The following PPP1R12B variants were observed in gnomAD, a reference collection of about 807,000 sequenced individuals.
PPP1R12B encodes protein phosphatase 1 regulatory subunit 12B, also known as myosin phosphatase target subunit 2.
PPP1R12B carries 76 observed loss-of-function variants against 126.1 expected under a neutral mutation model. That is an observed-to-expected ratio of 0.60 (90% CI 0.50 to 0.73). The LOEUF is 0.73. PPP1R12B is among the 30% of genes least tolerant of loss of function. The probability of loss-of-function intolerance (pLI) is 0.00; values close to 1 mark genes in which losing one functional copy is unlikely to be tolerated. For synonymous variants in PPP1R12B, 356 were observed against 434.7 expected (o/e 0.82, Z 2.25); for missense variants, 1,052 against 1,205.1 (o/e 0.87, Z 1.88).
intron 6 of PPP1R12B, among the ~76,000 whole-genome samples, chr1:202,429,280 A>C (rs1264847011): frequency 2.0e-5 from 3 of 152,224 alleles, no homozygotes; most frequent in African/African-American, 7.2e-5. Context: ...GATACCTCAT[A>C]GCTTTTCTTT....
chr1:202,544,693 A>G (rs189948725), intron 18 of PPP1R12B, among the ~76,000 whole-genome samples: 33 of 152,336 alleles, frequency 2.2e-4, no homozygotes, highest in Admixed American at 2.0e-3. Context: ...CTATTCCTTC[A>G]GTTCTAACAT....
chr1:202,550,286 C>G (rs1488770440), intron 18 of PPP1R12B, among the ~76,000 whole-genome samples: 3 of 152,172 alleles, frequency 2.0e-5, no homozygotes, highest in South Asian at 4.1e-4. Context: ...GCTACCCAAA[C>G]AGGCTGCTGG....
chr1:202,553,776 C>A (rs1157003785), intron 18 of PPP1R12B, among the ~76,000 whole-genome samples: 1 of 152,146 alleles, frequency 6.6e-6, no homozygotes, highest in African/African-American at 2.4e-5. Flanking sequence ...TTAGAATCCT[C>A]TTCTCTGGGA....
chr1:202,556,209 G>A (rs1686918916), intron 18 of PPP1R12B, among the ~76,000 whole-genome samples: 1 of 152,182 alleles, frequency 6.6e-6, no homozygotes. Context: ...AAAAATGAAA[G>A]CAGAGGAATG....
At chr1:202,476,247 A>C (rs1223305102) in intron 13 of PPP1R12B, among the ~76,000 whole-genome samples, 1 of 151,742 alleles carries the variant, frequency 6.6e-6, no homozygotes, top group Non-Finnish European at 1.5e-5. Flanking sequence ...ATAATAAACT[A>C]TCTTATAAGA....
chr1:202,463,013 T>G, intron 13 of PPP1R12B: 1 of 985,386 alleles, frequency 1.0e-6, no homozygotes, highest in Non-Finnish European at 1.2e-6. Context: ...CCATAGTTTG[T>G]TAGTACTCTG....
intron 13 of PPP1R12B, among the ~76,000 whole-genome samples, chr1:202,487,888 G>A (rs757449163): frequency 1.4e-4 from 22 of 152,100 alleles, no homozygotes; most frequent in African/African-American, 4.6e-4. Context: ...GATTATAGGC[G>A]TGACCCACCA....
intron 12 of PPP1R12B, among the ~76,000 whole-genome samples, chr1:202,445,491 C>G (rs1672112204): frequency 6.6e-6 from 1 of 152,196 alleles, no homozygotes; most frequent in Non-Finnish European, 1.5e-5. Flanking sequence ...CCTCAACAAC[C>G]TAACCAGTTG....
intron 14 of PPP1R12B, among the ~76,000 whole-genome samples, chr1:202,489,779 T>C (rs973323068): frequency 6.6e-5 from 10 of 152,222 alleles, no homozygotes; most frequent in Non-Finnish European, 1.3e-4. Flanking sequence ...ATTTTATAAC[T>C]CTGTGAATAA....
chr1:202,386,538 C>G (rs1437137857), intron 1 of PPP1R12B, among the ~76,000 whole-genome samples: 2 of 151,788 alleles, frequency 1.3e-5, no homozygotes, highest in Non-Finnish European at 2.9e-5. Context: ...TCACCGGGGT[C>G]TCGATCTCCT....
chr1:202,587,826 T>A lies in PPP1R12B; in HGVS notation c.*7266T>A, dbSNP rs1323161022. ...AACCCGGAACAGATTCCCGCTTGCC[T>A]TCTGATGAAGAGAGGTTAGGTAAAG... On this transcript the variant is annotated 3_prime_UTR_variant, in exon 24 of 24. Transcript: ENST00000608999. The A allele has an allele frequency of 1.3e-5, 2 of 152,206 alleles. No individual in the cohort carries two copies. The highest frequency in any genetic ancestry group is 2.9e-5 in the Non-Finnish European group (2 of 68,056). The allele number at this position is 152,206 out of a possible 1,614,324, so 9.4% of individuals were successfully genotyped here. A position where few individuals can be genotyped will look rare whatever the true frequency, so the allele number is the denominator to read the frequency against.
chr1:202,482,283 T>C (rs941427014), intron 13 of PPP1R12B, among the ~76,000 whole-genome samples: 10 of 152,190 alleles, frequency 6.6e-5, no homozygotes, highest in Non-Finnish European at 1.3e-4. Context: ...ATATGGTAGT[T>C]CTATTTTTAC....
intron 19 of PPP1R12B, among the ~76,000 whole-genome samples, chr1:202,559,419 A>G (rs560146430): frequency 6.6e-6 from 1 of 152,344 alleles, no homozygotes; most frequent in African/African-American, 2.4e-5. Context: ...GCTCCTTAGT[A>G]GTTTGTTGAA....
At chr1:202,400,420 T>C (rs973135500) in intron 1 of PPP1R12B, among the ~76,000 whole-genome samples, 5 of 152,088 alleles carry the variant, frequency 3.3e-5, no homozygotes, top group Admixed American at 3.3e-4. Flanking sequence ...TATACTACAA[T>C]AGGTAATGGG....
chr1:202,358,893 GT>G (rs1271587520), intron 1 of PPP1R12B, among the ~76,000 whole-genome samples: 1 of 152,092 alleles, frequency 6.6e-6, no homozygotes, highest in Non-Finnish European at 1.5e-5. Context: ...ATATTTTATG[GT>G]GCCATGCTCT....
At chr1:202,366,347 C>T (rs1369801769) in intron 1 of PPP1R12B, among the ~76,000 whole-genome samples, 6 of 151,846 alleles carry the variant, frequency 4.0e-5, no homozygotes, top group African/African-American at 1.5e-4. Context: ...GGCGAAGCTC[C>T]GTCTCTACTA....
intron 18 of PPP1R12B, among the ~76,000 whole-genome samples, chr1:202,524,518 C>G (rs1558331105): frequency 6.6e-6 from 1 of 152,172 alleles, no homozygotes; most frequent in African/African-American, 2.4e-5. Flanking sequence ...CCTTACCCCC[C>G]TCTCACGCTT....
intron 21 of PPP1R12B, among the ~76,000 whole-genome samples, chr1:202,567,155 A>G (rs1276164844): frequency 1.3e-5 from 2 of 152,238 alleles, no homozygotes; most frequent in Admixed American, 1.3e-4. Context: ...AGCCCAATAT[A>G]TAAGACAGAT....
intron 1 of PPP1R12B, among the ~76,000 whole-genome samples, chr1:202,409,437 T>A (rs1422712866): frequency 2.0e-5 from 3 of 151,718 alleles, no homozygotes; most frequent in Non-Finnish European, 2.9e-5. Context: ...TTCCCCTGCC[T>A]CAGCCTCCCA....
Sources: gnomAD v4.1 joint callset for allele counts (sites outside exome capture counted in the v4.1 genomes callset) on GRCh38, gnomAD v4.1.1 for gene constraint, MANE v1.5 for transcripts, NCBI Gene and HGNC (gene_info 2026-07-23, HGNC 2026-07-21) for gene names.